The following CYREN variants were observed in gnomAD, a reference collection of about 807,000 sequenced individuals.
The protein encoded by CYREN is cell cycle regulator of non-homologous end joining.
A neutral mutation model predicts 9.7 loss-of-function variants in CYREN; 7 were observed. That is an observed-to-expected ratio of 0.72 (90% confidence interval 0.41 to 1.36). CYREN has a LOEUF of 1.36. CYREN is among the 40% of genes most tolerant of loss of function. The pLI, the probability that CYREN is intolerant of heterozygous loss-of-function variation, is 0.01. For synonymous variants in CYREN, 76 were observed against 77.9 expected (o/e 0.98, Z 0.13); for missense variants, 215 against 198.1 (o/e 1.09, Z -0.51).
chr7:135,110,583 C>G (rs1563276456), intron 2 of CYREN, among the ~76,000 whole-genome samples: 2 of 152,160 alleles, frequency 1.3e-5, no homozygotes, highest in Non-Finnish European at 2.9e-5. Context: ...CTTCCTTGGG[C>G]AGGGGAGGCT....
intron 1 of CYREN, among the ~76,000 whole-genome samples, chr7:135,169,713 A>C (rs1035137208): frequency 2.0e-5 from 3 of 152,136 alleles, no homozygotes; most frequent in Admixed American, 1.3e-4. Context: ...CCTGGAGCTC[A>C]GTCCTCACCC....
intron 2 of CYREN, chr7:135,115,491 T>G: frequency 6.4e-7 from 1 of 1,551,378 alleles, no homozygotes. Context: ...GATAAAGGAA[T>G]AGTTCAAACT....
chr7:135,096,572 G>GATAGATAC, intron 2 of CYREN, among the ~76,000 whole-genome samples: 1 of 20,612 alleles, frequency 4.9e-5, no homozygotes, highest in South Asian at 3.6e-3. Flanking sequence ...TAGATAGATA[G>GATAGATAC]ATAGATAGAT....
intron 3 of CYREN, 39 bp downstream of exon 3, chr7:135,167,693 G>C: frequency 6.2e-7 from 1 of 1,612,194 alleles, no homozygotes; most frequent in Non-Finnish European, 8.5e-7. Flanking sequence ...TGCCCATGCA[G>C]AGTTTCTGGT....
chr7:135,135,267 C>G (rs935234704), intron 2 of CYREN: 1 of 1,496,762 alleles, frequency 6.7e-7, no homozygotes, highest in African/African-American at 1.4e-5. Context: ...GTTAATCTAG[C>G]TTTATACTGC....
upstream of CYREN, among the ~76,000 whole-genome samples, chr7:135,171,422 C>T (rs1324478245): frequency 6.6e-6 from 1 of 151,718 alleles, no homozygotes; most frequent in East Asian, 2.0e-4. Context: ...AGTTAAAAAT[C>T]AACTCATGAC....
intron 2 of CYREN, among the ~76,000 whole-genome samples, chr7:135,131,240 A>G (rs1490881048): frequency 6.6e-6 from 1 of 152,136 alleles, no homozygotes; most frequent in African/African-American, 2.4e-5. Context: ...ACATGTTTTC[A>G]CTCATAAGTG....
At chr7:135,153,815 C>T (rs1829721562) in intron 2 of CYREN, among the ~76,000 whole-genome samples, 1 of 152,106 alleles carries the variant, frequency 6.6e-6, no homozygotes, top group South Asian at 2.1e-4. Context: ...TCTGCTGTGT[C>T]CTTGTCTGGT....
chr7:135,102,044 T>C (rs2348271), intron 2 of CYREN, among the ~76,000 whole-genome samples: 152,344 of 152,344 alleles, frequency 1, 76,172 homozygotes, highest in Non-Finnish European at 1. Context: ...GAGGCCTCCC[T>C]AGCCACATAG....
chr7:135,094,645 G>A (rs1822378495), intron 2 of CYREN: 1 of 411,410 alleles, frequency 2.4e-6, no homozygotes, highest in Admixed American at 2.8e-5. Context: ...CCGTAACAAG[G>A]GCCTACTCTC....
chr7:135,146,372 A>G (rs1257368655), intron 2 of CYREN, among the ~76,000 whole-genome samples: 1 of 152,190 alleles, frequency 6.6e-6, no homozygotes. Flanking sequence ...CAACATAATA[A>G]TAATGAAAAA....
intron 2 of CYREN, chr7:135,134,900 GA>G: frequency 3.2e-6 from 5 of 1,551,140 alleles, no homozygotes; most frequent in Non-Finnish European, 4.4e-6. Context: ...ACAGCACCCA[GA>G]AATCACCCTT....
intron 2 of CYREN, among the ~76,000 whole-genome samples, chr7:135,102,302 A>AT (rs1823957058): frequency 6.6e-6 from 1 of 152,094 alleles, no homozygotes; most frequent in Non-Finnish European, 1.5e-5. Flanking sequence ...TTATACTTAT[A>AT]TTTTCTTCTG....
intron 2 of CYREN, among the ~76,000 whole-genome samples, chr7:135,155,678 T>A (rs1239420336): frequency 6.6e-6 from 1 of 152,140 alleles, no homozygotes; most frequent in African/African-American, 2.4e-5. Flanking sequence ...TAGCAAGATC[T>A]TGTCTCTACA....
downstream of CYREN, among the ~76,000 whole-genome samples, chr7:135,161,237 G>A (rs754574370): frequency 2.0e-5 from 3 of 152,210 alleles, no homozygotes; most frequent in Non-Finnish European, 4.4e-5. The surrounding 1 kb of genome is among the most constrained non-coding windows in gnomAD (Gnocchi z 4.1). Context: ...AAGGCTCCTG[G>A]CGTCTGGCAG....
chr7:135,155,708 G>A (rs866077956), intron 2 of CYREN, among the ~76,000 whole-genome samples: 12 of 152,196 alleles, frequency 7.9e-5, no homozygotes, highest in South Asian at 2.1e-4. Flanking sequence ...AAAATTAACC[G>A]GGCATGGTGG....
chr7:135,140,501 T>C (rs1013078127), intron 2 of CYREN, among the ~76,000 whole-genome samples: 3 of 152,150 alleles, frequency 2.0e-5, no homozygotes, highest in African/African-American at 7.2e-5. Context: ...AGTCATATAA[T>C]CTGCAGAGAG....
intron 2 of CYREN, chr7:135,148,164 G>A (rs947277148): frequency 4.8e-5 from 21 of 437,646 alleles, no homozygotes; most frequent in Middle Eastern, 3.3e-4. Context: ...CCTCCTTTCT[G>A]GAGTCTGACA....
intron 2 of CYREN, chr7:135,135,175 C>T: frequency 6.5e-7 from 1 of 1,549,836 alleles, no homozygotes; most frequent in Non-Finnish European, 8.7e-7. Flanking sequence ...GCATACAGCC[C>T]TCCATCTAAC....
Sources: allele counts gnomAD v4.1 joint callset (sites outside exome capture counted in the v4.1 genomes callset), GRCh38; gene constraint gnomAD v4.1.1; non-coding constraint Gnocchi (gnomAD v3.1); transcripts MANE v1.5; gene names NCBI Gene and HGNC (gene_info 2026-07-23, HGNC 2026-07-21).